Variants in MALRD1 observed in about 807,000 individuals in gnomAD.
The protein encoded by MALRD1 is MAM and LDL-receptor class A domain-containing protein 1.
In MALRD1, 247 loss-of-function variants were observed where a neutral mutation model predicts 242.1. The ratio of observed to expected loss-of-function variants is 1.02; its 90% CI spans 0.92 to 1.13. MALRD1 has a LOEUF of 1.13. Among genes scored for constraint, MALRD1 ranks in the 50% most tolerant of loss-of-function variants. The probability of loss-of-function intolerance (pLI) is 0.00; values close to 1 mark genes in which losing one functional copy is unlikely to be tolerated. For missense variants in MALRD1, 2,989 were observed against 2,533.1 expected (o/e 1.18, Z -3.86); for synonymous variants, 995 against 866.6 (o/e 1.15, Z -2.60).
At chr10:19,232,177 A>G (rs368023574) in intron 18 of MALRD1, among the ~76,000 whole-genome samples, 1 of 152,144 alleles carries the variant, frequency 6.6e-6, no homozygotes, top group East Asian at 1.9e-4. Context: ...TAAGATTTTC[A>G]GTGTGACTCT....
At chr10:19,393,461 T>A (rs1245429080) in intron 28 of MALRD1, among the ~76,000 whole-genome samples, 2 of 148,724 alleles carry the variant, frequency 1.3e-5, no homozygotes, top group East Asian at 3.9e-4. Flanking sequence ...TTTTTTTTTT[T>A]TTGAGACCGA....
intron 21 of MALRD1, among the ~76,000 whole-genome samples, chr10:19,317,887 A>G (rs979886240): frequency 7.2e-5 from 11 of 152,098 alleles, no homozygotes; most frequent in African/African-American, 2.7e-4. Context: ...TGACTTGTAC[A>G]TTATCACCTT....
chr10:19,088,569 T>TTTTA (rs1190261906), intron 4 of MALRD1, among the ~76,000 whole-genome samples: 2 of 90,184 alleles, frequency 2.2e-5, no homozygotes, highest in Non-Finnish European at 4.2e-5. Context: ...TAAAGTTTTT[T>TTTTA]TTTATTTATT....
Position 19,209,268 on chromosome 10 carries a change from C to T in MALRD1, c.2579C>T (p.Ala860Val), listed in dbSNP as rs1836930562. ...CGDRTDEVNC[A>V]PELQCNFETG... The stretch of plus-strand genomic sequence containing the variant: ...TGCTTTTATTTCATGTGAATTTCAG[C>T]ACCTGAGCTGCAGTGTAACTTTGAA... Residue 860 changes from alanine (A) to valine (V), a missense_variant and splice_region_variant, in exon 18 of 40, where the codon GCA becomes GTA. Transcript: ENST00000454679. 1 of 1,511,062 alleles carries T rather than the reference C, an allele frequency of 6.6e-7. No homozygotes were observed. The highest frequency in any genetic ancestry group is 8.8e-7 in the Non-Finnish European group (1 of 1,131,638). 93.6% of individuals were successfully genotyped at this position (1,511,062 alleles called of 1,614,324 possible). A position where few individuals can be genotyped will look rare whatever the true frequency, so the allele number is the denominator to read the frequency against.
chr10:19,518,430 C>T (rs576091805), intron 31 of MALRD1, among the ~76,000 whole-genome samples: 138 of 152,062 alleles, frequency 9.1e-4, no homozygotes, highest in African/African-American at 3.3e-3. Flanking sequence ...TTTATATTTT[C>T]TTTATCTTTT....
intron 22 of MALRD1, 91 bp from the exon 23 acceptor site, chr10:19,327,471 TA>T (rs368517843): frequency 0.23 from 176,242 of 755,108 alleles, 114 homozygotes; most frequent in East Asian, 0.3. Context: ...ATATTGCAAC[TA>T]AAAAAAAAAA....
chr10:19,317,888 T>A (rs775063650), intron 21 of MALRD1, among the ~76,000 whole-genome samples: 4 of 152,080 alleles, frequency 2.6e-5, no homozygotes, highest in Admixed American at 6.6e-5. Context: ...GACTTGTACA[T>A]TATCACCTTG....
intron 26 of MALRD1, among the ~76,000 whole-genome samples, chr10:19,355,405 T>TA (rs11436315): frequency 0.12 from 18,966 of 151,728 alleles, 1,215 homozygotes; most frequent in South Asian, 0.16. Flanking sequence ...AAAGGTTAAT[T>TA]ATATTAAACA....
intron 31 of MALRD1, among the ~76,000 whole-genome samples, chr10:19,505,416 A>C (rs925996536): frequency 6.6e-6 from 1 of 152,120 alleles, no homozygotes; most frequent in African/African-American, 2.4e-5. Flanking sequence ...AAGGAGAAAC[A>C]CCAGGAATCT....
At chr10:19,061,313 A>G (rs1229170959) in intron 1 of MALRD1, among the ~76,000 whole-genome samples, 1 of 152,220 alleles carries the variant, frequency 6.6e-6, no homozygotes, top group Non-Finnish European at 1.5e-5. Context: ...TTCTGTGTCC[A>G]TAGATTGGAA....
chr10:19,203,869 AC>A lies in MALRD1; in HGVS notation c.2094del (p.Asn698LysfsTer11). On this transcript the variant is annotated frameshift_variant, in exon 15 of 40. Coordinates refer to ENST00000454679, the MANE Select transcript of MALRD1 (RefSeq NM_001142308.3). LOFTEE classifies it high-confidence loss of function. ...GCTCCACCTCGGGATCATAGTCTCA[AC>A]GCATCTCAAGGTAAGAAGCAAACAG... The part of the protein sequence containing the change: ...HQAPPRDHSL[N>X]ASQGHFMFIL... 6.4e-7 allele frequency: 1 copy of A among 1,550,498 alleles called. No homozygotes were observed. The highest frequency in any genetic ancestry group is 1.7e-4 in the Middle Eastern group (1 of 5,992).
intron 36 of MALRD1, among the ~76,000 whole-genome samples, chr10:19,644,004 G>T (rs904538346): frequency 2.0e-5 from 3 of 151,602 alleles, no homozygotes; most frequent in African/African-American, 7.3e-5. Context: ...CTCTGCTACA[G>T]ATCTGTTTGT....
rs1836376948 is a variant in MALRD1 at position 19,104,045 on chromosome 10, T to C, written c.664T>C (p.Ser222Pro). 1 of 1,233,866 alleles carries C rather than the reference T, an allele frequency of 8.1e-7. No homozygotes were observed. Among genetic ancestry groups the C allele is most frequent in the Non-Finnish European group, 1.0e-6 (1 of 988,086 alleles). The allele number at this position is 1,233,866 out of a possible 1,614,324, so 76.4% of individuals were successfully genotyped here. ...TGAAGTCATTGCTATTGATGATATA[T>C]CTTTCAGTTCAGGCTGCTTGCCTGC... ...QDEVIAIDDI[S>P]FSSGCLPAND... is the part of the protein sequence containing the mutation. The change falls in exon 5 of 40, where the codon TCT becomes CCT. Residue 222 changes from serine (S) to proline (P), a missense_variant. Coordinates refer to ENST00000454679, the MANE Select transcript of MALRD1 (RefSeq NM_001142308.3).
Position 19,717,831 on chromosome 10 carries a change from A to C in MALRD1, c.6315-12875A>C, listed in dbSNP as rs1195232391. Among the ~76,000 whole-genome samples, 5 of 152,068 alleles carry C rather than the reference A, an allele frequency of 3.3e-5. 1 individual carries two copies. Among genetic ancestry groups the C allele is most frequent in the African/African-American group, 7.2e-5 (3 of 41,412 alleles). On this transcript the variant is annotated intron_variant, in intron 38 of 39. Transcript: ENST00000454679. ...CAGGAGTTTAAGACCAGCCTGGCCT[A>C]CATGGCAAAACCCTGTTTCTACTAA...
At chr10:19,718,089 AGAAG>A (rs1834487237) in intron 38 of MALRD1, among the ~76,000 whole-genome samples, 1 of 118,824 alleles carries the variant, frequency 8.4e-6, no homozygotes, top group Non-Finnish European at 1.7e-5. Context: ...AATAAGTAGA[AGAAG>A]AAGAAGAGGA....
At chr10:19,551,312 T>C (rs913311683) in intron 32 of MALRD1, among the ~76,000 whole-genome samples, 1 of 152,184 alleles carries the variant, frequency 6.6e-6, no homozygotes, top group East Asian at 1.9e-4. Flanking sequence ...ATTGTAGAGA[T>C]CTTTCACCTC....
chr10:19,238,498 A>ATT (rs1554817785), intron 18 of MALRD1, among the ~76,000 whole-genome samples: 8 of 7,136 alleles, frequency 1.1e-3, no homozygotes, highest in Admixed American at 2.4e-3. Flanking sequence ...TATAATATAT[A>ATT]ATATAATATA....
intron 1 of MALRD1, among the ~76,000 whole-genome samples, chr10:19,060,769 T>G (rs972615852): frequency 8.5e-5 from 13 of 152,350 alleles, no homozygotes; most frequent in African/African-American, 3.1e-4. Context: ...ACACTGTTTT[T>G]AAGATTTCAA....
chr10:19,168,396 A>C (rs1309710236), intron 13 of MALRD1, among the ~76,000 whole-genome samples: 1 of 152,192 alleles, frequency 6.6e-6, no homozygotes, highest in East Asian at 1.9e-4. Flanking sequence ...AATGAAACTC[A>C]CCAAGAAGAT....
Sources: allele counts gnomAD v4.1 joint callset (sites outside exome capture counted in the v4.1 genomes callset), GRCh38; gene constraint gnomAD v4.1.1; transcripts MANE v1.5; gene names NCBI Gene and HGNC (gene_info 2026-07-23, HGNC 2026-07-21).